POT1: variants seen among roughly 807,000 people sequenced by gnomAD.
The protein encoded by POT1 is protection of telomeres protein 1.
In POT1, 47 loss-of-function variants were observed where a neutral mutation model predicts 78.5. The observed-to-expected ratio is 0.60, with a 90% confidence interval of 0.47 to 0.76. The LOEUF (loss-of-function observed/expected upper bound fraction) is 0.76. POT1 is among the 30% of genes least tolerant of loss of function. The probability of loss-of-function intolerance (pLI) is 0.00; values close to 1 mark genes in which losing one functional copy is unlikely to be tolerated. For synonymous variants in POT1, 259 were observed against 260.7 expected, an observed-to-expected ratio of 0.99 and a Z score of 0.06; for missense variants, 646 against 749.9, an observed-to-expected ratio of 0.86 and a Z score of 1.62.
intron 8 of POT1, among the ~76,000 whole-genome samples, chr7:124,859,604 TC>T (rs1248983729): frequency 1.3e-5 from 2 of 151,976 alleles, no homozygotes; most frequent in African/African-American, 4.8e-5. Flanking sequence ...TTGAATAATT[TC>T]CTTTATATGA....
chr7:124,884,240 G>GGCCCT (rs1796191178), intron 6 of POT1, among the ~76,000 whole-genome samples: 1 of 151,814 alleles, frequency 6.6e-6, no homozygotes, highest in Admixed American at 6.6e-5. Flanking sequence ...AACAGGAAAA[G>GGCCCT]AAAAAAATGT....
chr7:124,897,703 C>T (rs1488917123), intron 4 of POT1, among the ~76,000 whole-genome samples: 4 of 151,720 alleles, frequency 2.6e-5, no homozygotes, highest in African/African-American at 9.7e-5. Flanking sequence ...TAATATCAAG[C>T]AGAGCCACCA....
chr7:124,844,552 C>G (rs1269258407), intron 12 of POT1, among the ~76,000 whole-genome samples: 3 of 150,170 alleles, frequency 2.0e-5, no homozygotes, highest in Non-Finnish European at 4.5e-5. Flanking sequence ...CTGGCTAACA[C>G]GGTGAAACCC....
chr7:124,842,460 A>T (rs917021973), intron 13 of POT1, among the ~76,000 whole-genome samples: 1 of 152,004 alleles, frequency 6.6e-6, no homozygotes, highest in Admixed American at 6.6e-5. Context: ...TATTTCAAGT[A>T]ATTACAACTC....
intron 7 of POT1, among the ~76,000 whole-genome samples, chr7:124,865,701 TA>T (rs1795705190): frequency 6.6e-6 from 1 of 151,514 alleles, no homozygotes; most frequent in African/African-American, 2.4e-5. Flanking sequence ...TTTTATTTAT[TA>T]ATTATTATTA....
At chr7:124,837,076 G>A (rs868242287) in intron 14 of POT1, 4 of 166,148 alleles carry the variant, frequency 2.4e-5, no homozygotes, top group Non-Finnish European at 4.0e-5. Flanking sequence ...TATTTAACAT[G>A]GACTATGGAG....
At chr7:124,852,640 T>G (rs1308475172) in intron 10 of POT1, among the ~76,000 whole-genome samples, 2 of 152,170 alleles carry the variant, frequency 1.3e-5, no homozygotes, top group African/African-American at 4.8e-5. Context: ...TTTGGAATCT[T>G]AGATATGTAT....
In POT1 at chr7:124,827,324, A is replaced by G; in HGVS notation, c.1595-19T>C. 7.1e-7 allele frequency: 1 copy of G among 1,402,816 alleles called. No homozygotes were observed. The highest frequency in any genetic ancestry group is 1.0e-6 in the Non-Finnish European group (1 of 1,001,484). The allele number at this position is 1,402,816 out of a possible 1,614,324, so 86.9% of individuals were successfully genotyped here. On this transcript the variant is annotated intron_variant, in intron 16 of 18. Coordinates refer to ENST00000357628, the MANE Select transcript of POT1 (RefSeq NM_015450.3). ...CCCAGTGCTAGTGAAGGAAAAAAAG[A>G]TCAAACCATATGAGTCTGCTATTCC...
At chr7:124,846,118 T>C (rs1005260073) in intron 12 of POT1, among the ~76,000 whole-genome samples, 5 of 150,576 alleles carry the variant, frequency 3.3e-5, no homozygotes, top group African/African-American at 1.2e-4. Flanking sequence ...CTATGCTTTT[T>C]CATGGAGAGA....
At chr7:124,850,158 T>C (rs1795268408) in intron 11 of POT1, among the ~76,000 whole-genome samples, 1 of 152,246 alleles carries the variant, frequency 6.6e-6, no homozygotes, top group African/African-American at 2.4e-5. Flanking sequence ...GGTTTCCTAA[T>C]AGTAGTTCAA....
chr7:124,858,855 T>C, intron 9 of POT1, 102 bp downstream of exon 9: 1 of 649,978 alleles, frequency 1.5e-6, no homozygotes, highest in Non-Finnish European at 2.4e-6. Context: ...ATTTCTAGAC[T>C]GTATCACCTA....
intron 17 of POT1, among the ~76,000 whole-genome samples, chr7:124,826,768 G>A (rs779004999): frequency 2.0e-5 from 3 of 152,172 alleles, no homozygotes; most frequent in Non-Finnish European, 2.9e-5. Context: ...TACTTGGGAG[G>A]CTGAGGCAGA....
rs2116614429 is a variant in POT1 at position 124,886,636 on chromosome 7, T to C, written c.124+5630A>G. On this transcript the variant is annotated intron_variant, in intron 6 of 18. Coordinates refer to ENST00000357628, the MANE Select transcript of POT1 (RefSeq NM_015450.3). ...AGTATCTTAGAAGAAACAAACATAT[T>C]ATCTTGGTAATAAAAGATGGCTCAT... Among the ~76,000 whole-genome samples, 4 of 152,230 alleles carry C rather than the reference T, an allele frequency of 2.6e-5. No homozygotes were observed. In the Middle Eastern group the frequency reaches 0.014, roughly 518 times the overall value.
chr7:124,850,801 C>T lies in POT1; in HGVS notation c.949+1071G>A, dbSNP rs564104596. Among the ~76,000 whole-genome samples the T allele has an allele frequency of 9.9e-5, 15 of 151,884 alleles. No individual in the cohort carries two copies. In the South Asian group the frequency reaches 3.1e-3, roughly 32 times the overall value. On this transcript the variant is annotated intron_variant, in intron 11 of 18. Coordinates refer to ENST00000357628, the MANE Select transcript of POT1 (RefSeq NM_015450.3). ...AATAATGCCTGCAGGCACTTACATG[C>T]CTACCAAGAAATGTGTGTTAATTTT... is the stretch of plus-strand genomic sequence containing the variant.
chr7:124,877,840 CAA>C (rs201285982), intron 6 of POT1, among the ~76,000 whole-genome samples: 571 of 80,142 alleles, frequency 7.1e-3, no homozygotes, highest in Non-Finnish European at 0.012. Context: ...GATTCTGTCT[CAA>C]AAAAAAAAAA....
intron 7 of POT1, among the ~76,000 whole-genome samples, chr7:124,868,726 A>G (rs927131430): frequency 1.3e-5 from 2 of 149,944 alleles, no homozygotes; most frequent in African/African-American, 2.4e-5. Flanking sequence ...GGATTATTTG[A>G]ATATAATTCA....
At chr7:124,894,208 G>A (rs1584793182) in intron 5 of POT1, among the ~76,000 whole-genome samples, 1 of 151,346 alleles carries the variant, frequency 6.6e-6, no homozygotes, top group South Asian at 2.1e-4. Flanking sequence ...TTAAACAAGA[G>A]TAGAATTTGC....
rs547976108 is a variant in POT1 at position 124,877,599 on chromosome 7, G to A, written c.125-6558C>T. On this transcript the variant is annotated intron_variant, in intron 6 of 18. Transcript: ENST00000357628. Reference sequence around the variant, plus strand: ...CACCTGTAATCCCACCGCTTAGGTCGAGGTGGGCAGATCATGAGGTCAGGA... The same window carrying A: ...CACCTGTAATCCCACCGCTTAGGTCAAGGTGGGCAGATCATGAGGTCAGGA... Among the ~76,000 whole-genome samples the A allele has an allele frequency of 1.6e-4, 24 of 151,906 alleles. No individual in the cohort carries two copies. The South Asian group carries it at 4.8e-3, about 30-fold the overall frequency.
chr7:124,904,454 G>C (rs1213279908), intron 3 of POT1, among the ~76,000 whole-genome samples: 1 of 152,154 alleles, frequency 6.6e-6, no homozygotes, highest in Non-Finnish European at 1.5e-5. Flanking sequence ...AGCCCTTCAT[G>C]CTAAAAACTC....
Sources: allele counts gnomAD v4.1 joint callset (sites outside exome capture counted in the v4.1 genomes callset), GRCh38; gene constraint gnomAD v4.1.1; transcripts MANE v1.5; gene names NCBI Gene and HGNC (gene_info 2026-07-23, HGNC 2026-07-21).